Variants in TMCO4 observed in about 807,000 individuals in gnomAD.
The protein encoded by TMCO4 is transmembrane and coiled-coil domain-containing protein 4.
Under a neutral mutation model 64.7 loss-of-function variants are expected in TMCO4, and 58 were observed. That is an observed-to-expected ratio of 0.90 (90% CI 0.73 to 1.12). The LOEUF is 1.12. Ranked by LOEUF, TMCO4 falls within the 50% of genes most tolerant of loss-of-function variation. The pLI, the probability that TMCO4 is intolerant of heterozygous loss-of-function variation, is 0.00. For synonymous variants in TMCO4, 325 were observed against 346.1 expected (o/e 0.94, Z 0.68); for missense variants, 780 against 825.9 (o/e 0.94, Z 0.68).
intron 2 of TMCO4, among the ~76,000 whole-genome samples, chr1:19,791,195 C>T (rs922560525): frequency 6.6e-6 from 1 of 152,130 alleles, no homozygotes; most frequent in Non-Finnish European, 1.5e-5. Context: ...GGAAAAACAG[C>T]TAATGCATGC....
chr1:19,782,009 T>C (rs2043515246), intron 3 of TMCO4, among the ~76,000 whole-genome samples: 1 of 152,214 alleles, frequency 6.6e-6, no homozygotes, highest in African/African-American at 2.4e-5. Flanking sequence ...TGGAAAATGG[T>C]TTGACAATAT....
intron 13 of TMCO4, among the ~76,000 whole-genome samples, chr1:19,707,639 C>G (rs1424762381): frequency 6.6e-6 from 1 of 151,996 alleles, no homozygotes. Flanking sequence ...ATATATAACC[C>G]CTTGAAGTCT....
chr1:19,787,414 G>T (rs141074325), intron 2 of TMCO4, among the ~76,000 whole-genome samples: 2 of 152,316 alleles, frequency 1.3e-5, no homozygotes, highest in African/African-American at 4.8e-5. Context: ...CCTGAGCTGT[G>T]GTCACTGCAT....
chr1:19,747,284 TA>T, intron 7 of TMCO4, 24 bp from the exon 8 acceptor site: 1 of 1,599,998 alleles, frequency 6.3e-7, no homozygotes, highest in Non-Finnish European at 8.5e-7. Flanking sequence ...GGCTGGTCTT[TA>T]GGGCCAGCTG....
intron 13 of TMCO4, among the ~76,000 whole-genome samples, chr1:19,722,719 C>CT: frequency 6.6e-6 from 1 of 152,210 alleles, no homozygotes; most frequent in East Asian, 1.9e-4. Flanking sequence ...GAAAGAACCC[C>CT]TGGGGCACTT....
chr1:19,690,928 G>A (rs1290961778), intron 15 of TMCO4, among the ~76,000 whole-genome samples: 1 of 148,458 alleles, frequency 6.7e-6, no homozygotes, highest in East Asian at 2.0e-4. Context: ...GAGTGCAGTG[G>A]TACCCTCTCG....
intron 13 of TMCO4, among the ~76,000 whole-genome samples, chr1:19,729,587 G>A (rs1459110101): frequency 1.3e-5 from 2 of 151,722 alleles, no homozygotes; most frequent in African/African-American, 4.8e-5. Flanking sequence ...CCAACATGGT[G>A]AAACCCCGTC....
chr1:19,702,285 C>CAAAAAAAAAAAA (rs71010505), intron 13 of TMCO4, among the ~76,000 whole-genome samples: 1 of 102,934 alleles, frequency 9.7e-6, no homozygotes, highest in African/African-American at 3.4e-5. Flanking sequence ...CTTGTCTTTA[C>CAAAAAAAAAAAA]AAAAAAAAAA....
At position 19,770,662 on chromosome 1, in the gene TMCO4, C is replaced by G; in HGVS notation, c.355-93G>C. On this transcript the variant is annotated intron_variant, in intron 5 of 15. Transcript: ENST00000294543. ...TATTGACTCCTACCAAGTGGCAGAA[C>G]AAGACAGACAAAAAGCCACTGCCCT... is the stretch of plus-strand genomic sequence containing the variant. 1.4e-5 allele frequency: 18 copies of G among 1,325,516 alleles called. No homozygotes were observed. The South Asian group carries it at 2.4e-4, about 18-fold the overall frequency. The allele number at this position is 1,325,516 out of a possible 1,614,324, so 82.1% of individuals were successfully genotyped here. A position where few individuals can be genotyped will look rare whatever the true frequency, so the allele number is the denominator to read the frequency against.
In TMCO4 at chr1:19,776,330, C is replaced by A. The variant is rs1315714052; in HGVS notation, c.179+4250G>T. On this transcript the variant is annotated intron_variant, in intron 4 of 15. Transcript: ENST00000294543. Reference sequence around the variant, plus strand: ...AACACTCCACGGCAAATGCTTATGGCCAGGCAACAGCCACCTGTGTTTATA... The same window carrying A: ...AACACTCCACGGCAAATGCTTATGGACAGGCAACAGCCACCTGTGTTTATA... Among the ~76,000 whole-genome samples the A allele has an allele frequency of 2.6e-5, 4 of 152,172 alleles. No homozygotes were observed. The East Asian group carries it at 7.7e-4, about 29-fold the overall frequency.
At position 19,747,171 on chromosome 1, in the gene TMCO4, G is replaced by A. The variant is rs146596460; in HGVS notation, c.605C>T (p.Thr202Met). The A allele has an allele frequency of 2.0e-5, 33 of 1,613,758 alleles. No individual in the cohort carries two copies. The highest frequency in any genetic ancestry group is 1.9e-4 in the African/African-American group (14 of 74,904). The change falls in exon 8 of 16, where the codon ACG becomes ATG. Residue 202 changes from threonine to methionine, a missense_variant. Coordinates refer to ENST00000294543, the MANE Select transcript of TMCO4 (RefSeq NM_181719.7). ...TCTCTAGCTGGACTCACCGATCACCGTTCCGCCTCCGACAGTCGCCAGGCC... is the reference window on the plus strand; with the variant it reads ...TCTCTAGCTGGACTCACCGATCACCATTCCGCCTCCGACAGTCGCCAGGCC... The part of the protein sequence containing the change: ...LIGLATVGGG[T>M]VIGVTGGLAA...
At chr1:19,793,484 C>G (rs2044152970) in intron 2 of TMCO4, among the ~76,000 whole-genome samples, 1 of 152,164 alleles carries the variant, frequency 6.6e-6, no homozygotes, top group Non-Finnish European at 1.5e-5. Context: ...AGAGTCTAGG[C>G]AGGCCCAGGT....
At chr1:19,737,530 C>G (rs2095460746) in intron 12 of TMCO4, 74 bp from the exon 13 acceptor site, 1 of 1,378,934 alleles carries the variant, frequency 7.3e-7, no homozygotes, top group Admixed American at 1.7e-5. Flanking sequence ...CTGAGGAGGG[C>G]AGCCTTTGCA....
In TMCO4 at chr1:19,696,450, T is replaced by G. The variant is rs145554472; in HGVS notation, c.1383-1899A>C. 2.0e-3 allele frequency among the ~76,000 whole-genome samples: 307 copies of G among 152,178 alleles called. 11 individuals are homozygous for G. In the East Asian group the frequency reaches 0.049, roughly 24 times the overall value. ...CTGTGGTCCCAGCTACTTGGGAGGCTGAGGCAGGAGGATCATCTAAGCCCA... is the reference window on the plus strand; with the variant it reads ...CTGTGGTCCCAGCTACTTGGGAGGCGGAGGCAGGAGGATCATCTAAGCCCA... On this transcript the variant is annotated intron_variant, in intron 14 of 15. Coordinates refer to ENST00000294543, the MANE Select transcript of TMCO4 (RefSeq NM_181719.7).
intron 15 of TMCO4, among the ~76,000 whole-genome samples, chr1:19,685,341 G>A (rs12752287): frequency 0.56 from 79,238 of 141,588 alleles, 22,342 homozygotes; most frequent in Non-Finnish European, 0.65. Flanking sequence ...AAAACAAACA[G>A]ACAAAAAACA....
chr1:19,688,260 G>A (rs7527271), intron 15 of TMCO4, among the ~76,000 whole-genome samples: 79,349 of 151,928 alleles, frequency 0.52, 22,422 homozygotes, highest in Non-Finnish European at 0.64. Flanking sequence ...GGGGAGCAGA[G>A]ACCACTTCTC....
At chr1:19,757,166 G>GC (rs903277378) in intron 6 of TMCO4, among the ~76,000 whole-genome samples, 5 of 150,476 alleles carry the variant, frequency 3.3e-5, no homozygotes, top group African/African-American at 4.9e-5. Flanking sequence ...TGGCGGGGGG[G>GC]GGCGCCTGTA....
chr1:19,723,782 T>C (rs916014363), intron 13 of TMCO4, among the ~76,000 whole-genome samples: 2 of 152,138 alleles, frequency 1.3e-5, no homozygotes, highest in Admixed American at 1.3e-4. Flanking sequence ...TGGATTTATC[T>C]AGTAGACAAT....
At chr1:19,703,800 G>A (rs1187285320) in intron 13 of TMCO4, among the ~76,000 whole-genome samples, 2 of 151,892 alleles carry the variant, frequency 1.3e-5, no homozygotes, top group African/African-American at 4.8e-5. Context: ...CATCTGCCTC[G>A]GCCTCCCAAA....
Sources: allele counts gnomAD v4.1 joint callset (sites outside exome capture counted in the v4.1 genomes callset), GRCh38; gene constraint gnomAD v4.1.1; transcripts MANE v1.5; gene names NCBI Gene and HGNC (gene_info 2026-07-23, HGNC 2026-07-21).